The following TMEM132C variants were observed in gnomAD, a reference collection of about 807,000 sequenced individuals.
TMEM132C encodes transmembrane protein 132C.
Under a neutral mutation model 61.4 loss-of-function variants are expected in TMEM132C, and 29 were observed. The observed-to-expected ratio is 0.47, with a 90% CI of 0.35 to 0.64. TMEM132C has a LOEUF of 0.64. TMEM132C is among the 30% of genes least tolerant of loss of function. The pLI is 0.00. For synonymous variants in TMEM132C, 656 were observed against 633.1 expected, an observed-to-expected ratio of 1.04 and a Z score of -0.54; for missense variants, 1,408 against 1,476.9, an observed-to-expected ratio of 0.95 and a Z score of 0.76.
intron 5 of TMEM132C, among the ~76,000 whole-genome samples, chr12:128,684,412 T>G (rs1954658551): frequency 6.6e-6 from 1 of 152,124 alleles, no homozygotes; most frequent in South Asian, 2.1e-4. Flanking sequence ...CATATCCTAT[T>G]GTGAGAAAGT....
chr12:128,701,781 C>G (rs1205512132), intron 8 of TMEM132C, among the ~76,000 whole-genome samples: 1 of 152,158 alleles, frequency 6.6e-6, no homozygotes, highest in Non-Finnish European at 1.5e-5. Context: ...GAACATGTCT[C>G]ATCTGCTGTT....
chr12:128,639,668 A>G (rs1954141945), intron 4 of TMEM132C, among the ~76,000 whole-genome samples: 1 of 152,162 alleles, frequency 6.6e-6, no homozygotes, highest in African/African-American at 2.4e-5. Context: ...AAACATGGAT[A>G]CCTATGGGAA....
At chr12:128,622,360 A>AATATATATATAT (rs767066742) in intron 4 of TMEM132C, among the ~76,000 whole-genome samples, 19 of 30,096 alleles carry the variant, frequency 6.3e-4, no homozygotes, top group Admixed American at 1.4e-3. Context: ...AAAAAAAAAA[A>AATATATATATAT]ATATATATAT....
At chr12:128,381,371 T>C (rs1354175659) in intron 1 of TMEM132C, among the ~76,000 whole-genome samples, 1 of 152,152 alleles carries the variant, frequency 6.6e-6, no homozygotes, top group Non-Finnish European at 1.5e-5. Flanking sequence ...GTCCCATTCA[T>C]TTCCCACAGC....
At chr12:128,593,616 C>G in intron 3 of TMEM132C, among the ~76,000 whole-genome samples, 1 of 152,230 alleles carries the variant, frequency 6.6e-6, no homozygotes, top group Non-Finnish European at 1.5e-5. Flanking sequence ...GGTCCTGATT[C>G]TGCAGGAGGC....
intron 4 of TMEM132C, among the ~76,000 whole-genome samples, chr12:128,664,722 A>G (rs1954438924): frequency 6.6e-6 from 1 of 152,236 alleles, no homozygotes; most frequent in Non-Finnish European, 1.5e-5. Context: ...CCTTCTTCCG[A>G]GCAGTGCTAA....
At chr12:128,571,595 C>G (rs546060511) in intron 3 of TMEM132C, among the ~76,000 whole-genome samples, 1 of 152,298 alleles carries the variant, frequency 6.6e-6, no homozygotes, top group South Asian at 2.1e-4. Context: ...GTTCTATTTT[C>G]TGTCTCTATG....
At chr12:128,676,531 G>C (rs1016435226) in intron 5 of TMEM132C, among the ~76,000 whole-genome samples, 2 of 152,130 alleles carry the variant, frequency 1.3e-5, no homozygotes, top group Non-Finnish European at 2.9e-5. Flanking sequence ...ATCACCCTTA[G>C]AGAATCATTG....
chr12:128,276,476 T>C (rs550787258), intron 1 of TMEM132C, among the ~76,000 whole-genome samples: 1 of 152,316 alleles, frequency 6.6e-6, no homozygotes, highest in South Asian at 2.1e-4. Flanking sequence ...GACCACTTCA[T>C]GCTTAACTAC....
At chr12:128,359,956 A>C (rs1039681189) in intron 1 of TMEM132C, among the ~76,000 whole-genome samples, 1 of 152,222 alleles carries the variant, frequency 6.6e-6, no homozygotes, top group East Asian at 1.9e-4. Context: ...AGGACGGGTG[A>C]TGAAGGATGT....
intron 3 of TMEM132C, among the ~76,000 whole-genome samples, chr12:128,580,688 G>T (rs1292638718): frequency 6.6e-6 from 1 of 152,170 alleles, no homozygotes; most frequent in Non-Finnish European, 1.5e-5. Flanking sequence ...CATTGATCAG[G>T]ATGGAGAAGG....
At chr12:128,383,251 A>G (rs1432065627) in intron 1 of TMEM132C, among the ~76,000 whole-genome samples, 1 of 151,998 alleles carries the variant, frequency 6.6e-6, no homozygotes, top group Non-Finnish European at 1.5e-5. Flanking sequence ...TGCTCTGTGT[A>G]TATACGTGCA....
At chr12:128,579,923 A>T (rs766132202) in intron 3 of TMEM132C, among the ~76,000 whole-genome samples, 5 of 150,630 alleles carry the variant, frequency 3.3e-5, no homozygotes, top group African/African-American at 4.9e-5. Flanking sequence ...ACTGCTCTGG[A>T]CCTGGATAGG....
chr12:128,365,661 AG>A (rs1452308326), intron 1 of TMEM132C, among the ~76,000 whole-genome samples: 2 of 152,228 alleles, frequency 1.3e-5, no homozygotes, highest in Non-Finnish European at 2.9e-5. Flanking sequence ...CGGTTCCAGC[AG>A]GAGCTGTGAT....
intron 2 of TMEM132C, among the ~76,000 whole-genome samples, chr12:128,457,511 G>GCT (rs1393866060): frequency 6.6e-6 from 1 of 151,076 alleles, no homozygotes; most frequent in Non-Finnish European, 1.5e-5. Flanking sequence ...GGGAGACGGA[G>GCT]CTTGCAGTGA....
Position 128,296,358 on chromosome 12 carries a change from C to G in TMEM132C, c.85+28871C>G, listed in dbSNP as rs74988429. ...TTAATTGATGCAGTGGCTTATTGCT[C>G]CCCTTAATGATCAAAGTCTTTCTGT... On this transcript the variant is annotated intron_variant, in intron 1 of 8. Coordinates refer to ENST00000435159, the MANE Select transcript of TMEM132C (RefSeq NM_001136103.3). Among the ~76,000 whole-genome samples, 915 of 152,296 alleles carry G rather than the reference C, an allele frequency of 6.0e-3. 14 individuals carry two copies. The highest frequency in any genetic ancestry group is 0.021 in the African/African-American group (875 of 41,552).
intron 1 of TMEM132C, among the ~76,000 whole-genome samples, chr12:128,295,704 G>A (rs574855484): frequency 6.0e-5 from 9 of 149,712 alleles, no homozygotes. Flanking sequence ...AAAAATAAGA[G>A]CCCCACATAA....
At chr12:128,466,504 C>CT (rs1870741487) in intron 2 of TMEM132C, among the ~76,000 whole-genome samples, 1 of 152,150 alleles carries the variant, frequency 6.6e-6, no homozygotes. Context: ...CAGGTCATGA[C>CT]TTTTTTGCAC....
Position 128,705,794 on chromosome 12 carries a change from G to A in TMEM132C, c.2826G>A (p.Leu942=). The change falls in exon 9 of 9, where the codon CTG becomes CTA. Residue 942 remains leucine (L), a synonymous_variant. Coordinates refer to ENST00000435159, the MANE Select transcript of TMEM132C (RefSeq NM_001136103.3). ...GVFCLAILVF[L]INCATFALKY... ...TCTGCCTGGCCATCCTCGTCTTCCT[G>A]ATCAACTGCGCCACCTTTGCCCTGA... is the stretch of plus-strand genomic sequence containing the variant. The A allele has an allele frequency of 6.4e-7, 1 of 1,551,662 alleles. No individual in the cohort carries two copies. The highest frequency in any genetic ancestry group is 8.7e-7 in the Non-Finnish European group (1 of 1,147,068).
Sources: allele counts gnomAD v4.1 joint callset (sites outside exome capture counted in the v4.1 genomes callset), GRCh38; gene constraint gnomAD v4.1.1; transcripts MANE v1.5; gene names NCBI Gene and HGNC (gene_info 2026-07-23, HGNC 2026-07-21).